The following CDH13 variants were observed in gnomAD, a reference collection of about 807,000 sequenced individuals.
CDH13 encodes cadherin 13, also known as cadherin-13.
A neutral mutation model predicts 63.8 loss-of-function variants in CDH13; 24 were observed. The observed-to-expected ratio is 0.38, with a 90% CI of 0.27 to 0.53. The LOEUF (loss-of-function observed/expected upper bound fraction) is 0.53. Ranked by LOEUF, CDH13 falls within the 20% of genes least tolerant of loss-of-function variation. The pLI is 0.85. For synonymous variants in CDH13, 503 were observed against 355.3 expected, an observed-to-expected ratio of 1.42 and a Z score of -4.67; for missense variants, 1,049 against 903.1, an observed-to-expected ratio of 1.16 and a Z score of -2.07.
intron 8 of CDH13, among the ~76,000 whole-genome samples, chr16:83,664,687 A>G (rs1913769747): frequency 2.0e-5 from 3 of 152,088 alleles, no homozygotes; most frequent in South Asian, 4.1e-4. Context: ...GTCAGGATTC[A>G]TTGTTTTCTG....
chr16:83,751,165 A>T (rs1419341808), intron 11 of CDH13, among the ~76,000 whole-genome samples: 2 of 152,160 alleles, frequency 1.3e-5, no homozygotes, highest in African/African-American at 4.8e-5. Context: ...AGCACCTACC[A>T]TGGTGCCTGA....
In CDH13 at chr16:82,918,416, C is replaced by G. The variant is rs9932185; in HGVS notation, c.157+59943C>G. On this transcript the variant is annotated intron_variant, in intron 2 of 13. Coordinates refer to ENST00000567109, the MANE Select transcript of CDH13 (RefSeq NM_001257.5). The stretch of plus-strand genomic sequence containing the variant: ...TGAGTAGACAGCAGATGGGCAGGGC[C>G]AGCATGGTTTTTGTCTGGTTATTTA... Among the ~76,000 whole-genome samples the G allele has an allele frequency of 5.5e-3, 838 of 151,790 alleles. 5 individuals are homozygous for G. The highest frequency in any genetic ancestry group is 0.019 in the African/African-American group (799 of 41,370).
At chr16:83,775,266 CGTGTCT>C (rs1413914669) in intron 11 of CDH13, among the ~76,000 whole-genome samples, 1 of 151,752 alleles carries the variant, frequency 6.6e-6, no homozygotes, top group Non-Finnish European at 1.5e-5. Flanking sequence ...TTGCAATCTG[CGTGTCT>C]GTGGACTCTT....
intron 7 of CDH13, among the ~76,000 whole-genome samples, chr16:83,592,122 G>C (rs1051099772): frequency 1.3e-5 from 2 of 152,152 alleles, no homozygotes; most frequent in African/African-American, 4.8e-5. Context: ...GCTCATCAGG[G>C]TGTTGGTCTC....
chr16:82,695,488 G>C (rs903020946), intron 1 of CDH13, among the ~76,000 whole-genome samples: 1 of 152,142 alleles, frequency 6.6e-6, no homozygotes, highest in Admixed American at 6.5e-5. Context: ...CCAATGGTGA[G>C]CAGGAAGGAC....
intron 1 of CDH13, among the ~76,000 whole-genome samples, chr16:82,696,719 T>C (rs2030340924): frequency 6.6e-6 from 1 of 152,252 alleles, no homozygotes; most frequent in Non-Finnish European, 1.5e-5. Context: ...CTATGTATGT[T>C]AATTATCTAT....
chr16:82,805,491 TG>T (rs1342923167), intron 1 of CDH13, among the ~76,000 whole-genome samples: 1 of 152,124 alleles, frequency 6.6e-6, no homozygotes, highest in Non-Finnish European at 1.5e-5. Context: ...AGAGTGTATT[TG>T]GGCAGAATAC....
chr16:82,816,251 G>A (rs1015935393), intron 1 of CDH13, among the ~76,000 whole-genome samples: 1 of 152,066 alleles, frequency 6.6e-6, no homozygotes, highest in Non-Finnish European at 1.5e-5. Context: ...CTTATTATTT[G>A]TAGCAGCAAT....
intron 2 of CDH13, among the ~76,000 whole-genome samples, chr16:82,938,075 A>G (rs1342215688): frequency 6.6e-6 from 1 of 152,252 alleles, no homozygotes; most frequent in African/African-American, 2.4e-5. Flanking sequence ...CAGCGGTAGC[A>G]ACAACACGCC....
intron 2 of CDH13, among the ~76,000 whole-genome samples, chr16:82,915,425 A>G (rs2041956166): frequency 2.0e-5 from 3 of 152,212 alleles, no homozygotes; most frequent in African/African-American, 7.2e-5. Flanking sequence ...TAACGAAGGT[A>G]TCTTTCTTCA....
chr16:83,452,245 A>C (rs1054413480), intron 6 of CDH13, among the ~76,000 whole-genome samples: 1 of 152,234 alleles, frequency 6.6e-6, no homozygotes, highest in Non-Finnish European at 1.5e-5. Flanking sequence ...AATTCAGGTA[A>C]GGTTGTGTTT....
intron 7 of CDH13, among the ~76,000 whole-genome samples, chr16:83,530,104 G>A (rs955751745): frequency 2.6e-5 from 4 of 152,150 alleles, no homozygotes; most frequent in African/African-American, 4.8e-5. Flanking sequence ...ATGGCTCTGC[G>A]TACCTGTTCC....
At position 83,443,704 on chromosome 16, in the gene CDH13, CG is replaced by C. The variant is rs1567676058; in HGVS notation, c.782-42772del. ...TGGGCAACAGAGTGCGAAGTCCCTA[CG>C]AAAAAAAAAAAAAAAAAAAAAAAAA... On this transcript the variant is annotated intron_variant, in intron 6 of 13. Transcript: ENST00000567109. 5.6e-4 allele frequency among the ~76,000 whole-genome samples: 11 copies of C among 19,488 alleles called. No homozygotes were observed. In the South Asian group the frequency reaches 0.011, roughly 19 times the overall value. The allele number at this position is 19,488 out of a possible 152,430, so 12.8% of individuals were successfully genotyped here.
intron 1 of CDH13, among the ~76,000 whole-genome samples, chr16:82,782,776 C>T (rs1009246567): frequency 3.3e-5 from 5 of 152,162 alleles, no homozygotes; most frequent in African/African-American, 7.2e-5. Flanking sequence ...GCCTTACTCC[C>T]GCTGCTGGTG....
At chr16:82,983,765 T>G (rs1910589322) in intron 2 of CDH13, among the ~76,000 whole-genome samples, 1 of 152,200 alleles carries the variant, frequency 6.6e-6, no homozygotes, top group African/African-American at 2.4e-5. Flanking sequence ...CTGTGTTGTG[T>G]GTCTCTCTGA....
At chr16:83,066,982 T>TGCC (rs2032065444) in intron 3 of CDH13, among the ~76,000 whole-genome samples, 1 of 152,220 alleles carries the variant, frequency 6.6e-6, no homozygotes, top group Admixed American at 6.5e-5. Flanking sequence ...CAATTTTTCC[T>TGCC]GCCTCTAGGA....
intron 6 of CDH13, among the ~76,000 whole-genome samples, chr16:83,359,460 T>A (rs1195422513): frequency 6.6e-6 from 1 of 152,218 alleles, no homozygotes. Context: ...AGGGTCTTAG[T>A]GTCGTCACCC....
At chr16:82,918,771 C>T (rs930279196) in intron 2 of CDH13, among the ~76,000 whole-genome samples, 4 of 152,062 alleles carry the variant, frequency 2.6e-5, no homozygotes, top group African/African-American at 7.2e-5. Context: ...AACCCCCCGA[C>T]AAAATGCTGC....
intron 5 of CDH13, among the ~76,000 whole-genome samples, chr16:83,248,550 T>C (rs778732686): frequency 1.3e-5 from 2 of 152,214 alleles, no homozygotes; most frequent in African/African-American, 2.4e-5. Flanking sequence ...AGAAGATTTC[T>C]ACAATGTAGT....
Sources: allele counts gnomAD v4.1 joint callset (sites outside exome capture counted in the v4.1 genomes callset), GRCh38; gene constraint gnomAD v4.1.1; transcripts MANE v1.5; gene names NCBI Gene and HGNC (gene_info 2026-07-23, HGNC 2026-07-21).